CNTN3: variants seen among roughly 807,000 people sequenced by gnomAD.
The protein encoded by CNTN3 is contactin 3, also known as contactin-3.
In CNTN3, 60 loss-of-function variants were observed where a neutral mutation model predicts 119.1. The ratio of observed to expected loss-of-function variants is 0.50; its 90% CI spans 0.41 to 0.62. The LOEUF is 0.62. Ranked by LOEUF, CNTN3 falls within the 20% of genes least tolerant of loss-of-function variation. The pLI, the probability that CNTN3 is intolerant of heterozygous loss-of-function variation, is 0.00. For missense variants in CNTN3, 1,101 were observed against 1,242.4 expected (o/e 0.89, Z 1.71); for synonymous variants, 450 against 438.7 (o/e 1.03, Z -0.32).
chr3:74,594,699 T>G (rs529020852), intron 1 of CNTN3, among the ~76,000 whole-genome samples: 2 of 152,194 alleles, frequency 1.3e-5, no homozygotes, highest in African/African-American at 2.4e-5. Context: ...TCTATCATTG[T>G]TGGACATTTG....
chr3:74,535,002 T>C (rs1361178630), intron 1 of CNTN3, among the ~76,000 whole-genome samples: 2 of 152,036 alleles, frequency 1.3e-5, no homozygotes, highest in Admixed American at 6.6e-5. Flanking sequence ...GTTACTGCTA[T>C]GATTTCAAAA....
intron 5 of CNTN3, among the ~76,000 whole-genome samples, chr3:74,398,361 C>A (rs951149325): frequency 2.6e-5 from 4 of 152,194 alleles, no homozygotes; most frequent in Non-Finnish European, 5.9e-5. Context: ...CCTCTACTAG[C>A]AAAAAGTTTA....
intron 1 of CNTN3, among the ~76,000 whole-genome samples, chr3:74,611,850 A>C (rs1327907886): frequency 6.6e-6 from 1 of 152,240 alleles, no homozygotes; most frequent in African/African-American, 2.4e-5. Flanking sequence ...TTAAAGGCAG[A>C]CTGGTGGTGA....
chr3:74,307,148 T>C (rs563955208), intron 13 of CNTN3, among the ~76,000 whole-genome samples: 2 of 152,100 alleles, frequency 1.3e-5, no homozygotes, highest in Non-Finnish European at 2.9e-5. Flanking sequence ...TTTATTTGAG[T>C]AACTCAAGAA....
intron 11 of CNTN3, among the ~76,000 whole-genome samples, chr3:74,348,157 T>A (rs1703735161): frequency 6.6e-6 from 1 of 152,186 alleles, no homozygotes; most frequent in South Asian, 2.1e-4. Flanking sequence ...TACTTGAAAT[T>A]GCTAAGAGAG....
intron 11 of CNTN3, among the ~76,000 whole-genome samples, chr3:74,360,133 G>A (rs546859038): frequency 2.9e-4 from 44 of 152,196 alleles, no homozygotes; most frequent in Non-Finnish European, 4.6e-4. Context: ...TTGTGCTGTT[G>A]TAACCAACTT....
chr3:74,505,083 C>T (rs1461157586), intron 2 of CNTN3, among the ~76,000 whole-genome samples: 1 of 151,980 alleles, frequency 6.6e-6, no homozygotes, highest in Non-Finnish European at 1.5e-5. Flanking sequence ...TTATGTGTGT[C>T]TCTGTGTCCA....
intron 3 of CNTN3, 134 bp downstream of exon 3, chr3:74,499,525 A>G (rs1206515172): frequency 1.4e-6 from 1 of 712,226 alleles, no homozygotes; most frequent in Non-Finnish European, 2.2e-6. Context: ...TCTGTTGAAT[A>G]TATCATACAA....
chr3:74,598,410 G>A (rs9810054), intron 1 of CNTN3, among the ~76,000 whole-genome samples: 40,261 of 151,876 alleles, frequency 0.27, 6,556 homozygotes, highest in Non-Finnish European at 0.37. Context: ...AAGATGAGAT[G>A]TCTTTGAAGA....
intron 5 of CNTN3, among the ~76,000 whole-genome samples, chr3:74,417,264 A>G (rs1303349525): frequency 6.6e-6 from 1 of 152,116 alleles, no homozygotes; most frequent in African/African-American, 2.4e-5. Flanking sequence ...ATTCCTATCT[A>G]TCTTCCTATT....
intron 20 of CNTN3, among the ~76,000 whole-genome samples, chr3:74,285,015 C>T (rs1702081697): frequency 6.6e-6 from 1 of 151,994 alleles, no homozygotes; most frequent in African/African-American, 2.4e-5. Context: ...GAAAGTAAAC[C>T]CAACTAAGCT....
chr3:74,454,766 T>TA (rs1344650782), intron 4 of CNTN3, among the ~76,000 whole-genome samples: 1 of 152,114 alleles, frequency 6.6e-6, no homozygotes, highest in African/African-American at 2.4e-5. Context: ...CTCCTTCACT[T>TA]ATGAAGCTTA....
At chr3:74,440,319 A>G (rs1002621679) in intron 4 of CNTN3, among the ~76,000 whole-genome samples, 2 of 152,040 alleles carry the variant, frequency 1.3e-5, no homozygotes, top group Admixed American at 6.6e-5. Flanking sequence ...CCAATAAGAG[A>G]TCTCACTCTC....
chr3:74,280,775 C>T (rs545725645), intron 20 of CNTN3, among the ~76,000 whole-genome samples: 11 of 152,274 alleles, frequency 7.2e-5, no homozygotes, highest in Non-Finnish European at 1.0e-4. Context: ...GCTGACACTC[C>T]GGCTAAGGCA....
At chr3:74,566,230 G>A (rs190543885) in intron 1 of CNTN3, among the ~76,000 whole-genome samples, 8 of 152,188 alleles carry the variant, frequency 5.3e-5, no homozygotes, top group Admixed American at 5.2e-4. Flanking sequence ...TATGAACAAA[G>A]TTAAAGGAAA....
intron 1 of CNTN3, among the ~76,000 whole-genome samples, chr3:74,529,424 T>C (rs188085491): frequency 2.0e-4 from 30 of 151,922 alleles, no homozygotes; most frequent in African/African-American, 7.2e-4. Flanking sequence ...TAAGAATCAA[T>C]TTTGTTTTAG....
At chr3:74,541,460 C>T (rs1212228701) in intron 1 of CNTN3, among the ~76,000 whole-genome samples, 2 of 152,112 alleles carry the variant, frequency 1.3e-5, no homozygotes, top group South Asian at 2.1e-4. Flanking sequence ...AACTCAAAAA[C>T]ATATCAAATT....
At chr3:74,283,135 T>C (rs74968675) in intron 20 of CNTN3, among the ~76,000 whole-genome samples, 2,850 of 152,236 alleles carry the variant, frequency 0.019, 102 homozygotes, top group African/African-American at 0.065. Context: ...AAATGAGTGA[T>C]GAAATTCTAA....
intron 5 of CNTN3, among the ~76,000 whole-genome samples, chr3:74,414,278 C>T (rs1026125810): frequency 1.3e-5 from 2 of 152,148 alleles, no homozygotes; most frequent in African/African-American, 4.8e-5. Context: ...ATGGAAATTA[C>T]CTAGCTTATA....
Sources: allele counts gnomAD v4.1 joint callset (sites outside exome capture counted in the v4.1 genomes callset), GRCh38; gene constraint gnomAD v4.1.1; transcripts MANE v1.5; gene names NCBI Gene and HGNC (gene_info 2026-07-23, HGNC 2026-07-21).